IL10RB: variants seen among roughly 807,000 people sequenced by gnomAD.
IL10RB encodes the protein interleukin-10 receptor subunit beta.
In IL10RB, 30 loss-of-function variants were observed where a neutral mutation model predicts 38.7. The ratio of observed to expected loss-of-function variants is 0.78; its 90% confidence interval spans 0.58 to 1.05. The LOEUF (loss-of-function observed/expected upper bound fraction) is 1.05, where lower values mean the gene tolerates loss of function less well. Ranked by LOEUF, IL10RB falls within the 50% of genes least tolerant of loss-of-function variation. The probability of loss-of-function intolerance (pLI) is 0.00; values close to 1 mark genes in which losing one functional copy is unlikely to be tolerated. For synonymous variants in IL10RB, 142 were observed against 145.9 expected, an observed-to-expected ratio of 0.97 and a Z score of 0.19; for missense variants, 328 against 397.1, an observed-to-expected ratio of 0.83 and a Z score of 1.48.
intron 2 of IL10RB, among the ~76,000 whole-genome samples, chr21:33,269,872 A>C (rs566606618): frequency 3.9e-4 from 60 of 152,154 alleles, no homozygotes; most frequent in African/African-American, 1.4e-3. Flanking sequence ...GTTAGCCAGG[A>C]TGGTCACTAT....
rs148548916 is a variant in IL10RB, at chr21:33,292,288, G to A, written c.805-3896G>A. ...CCCACGGCCCAAAGCTCTGCCCGTG[G>A]GGACACTTTCTCCCTGGTTGGGGCT... On this transcript the variant is annotated intron_variant, in intron 6 of 6. Transcript: ENST00000290200. Among the ~76,000 whole-genome samples the A allele has an allele frequency of 1.7e-3, 258 of 152,282 alleles. 1 individual carries two copies. In the East Asian group the frequency reaches 0.018, roughly 11 times the overall value.
intron 1 of IL10RB, among the ~76,000 whole-genome samples, chr21:33,303,450 G>A (rs1465680332): frequency 6.6e-6 from 1 of 150,788 alleles, no homozygotes; most frequent in Non-Finnish European, 1.5e-5. Context: ...CACCTCCCGG[G>A]TTCAAGCGAT....
At chr21:33,267,850 A>G in intron 1 of IL10RB, 1 of 168,616 alleles carries the variant, frequency 5.9e-6, no homozygotes, top group Non-Finnish European at 1.3e-5. Flanking sequence ...GTTTGAAAAT[A>G]ATTTCTGTCT....
At chr21:33,296,110 G>A in intron 6 of IL10RB, 74 bp from the exon 7 acceptor site, 1 of 1,123,358 alleles carries the variant, frequency 8.9e-7, no homozygotes, top group Non-Finnish European at 1.4e-6. Context: ...CAGGAGTTCT[G>A]TGAAAAAATC....
chr21:33,266,546 G>A (rs1376976540), intron 1 of IL10RB, 32 bp downstream of exon 1: 2 of 1,538,264 alleles, frequency 1.3e-6, no homozygotes. Context: ...GGCGCGCTTG[G>A]GAACCGGGAG....
intron 3 of IL10RB, among the ~76,000 whole-genome samples, 166 bp downstream of exon 3, chr21:33,276,919 A>G (rs1353559413): frequency 6.6e-6 from 1 of 152,210 alleles, no homozygotes; most frequent in Non-Finnish European, 1.5e-5. Context: ...TAAAGAATTC[A>G]TGGGAGAGAC....
chr21:33,288,851 C>A (rs934602456), intron 6 of IL10RB, among the ~76,000 whole-genome samples: 5 of 152,164 alleles, frequency 3.3e-5, no homozygotes, highest in Non-Finnish European at 7.3e-5. Flanking sequence ...GTCACTGACA[C>A]TAGAGAATGA....
intron 5 of IL10RB, 94 bp downstream of exon 5, chr21:33,283,335 G>T (rs773863701): frequency 1.5e-6 from 2 of 1,315,126 alleles, no homozygotes; most frequent in Non-Finnish European, 2.2e-6. Context: ...TTCCAGCTCA[G>T]TTCAGAAATC....
At chr21:33,304,638 G>C (rs2082994403) in intron 1 of IL10RB, among the ~76,000 whole-genome samples, 1 of 152,154 alleles carries the variant, frequency 6.6e-6, no homozygotes, top group Admixed American at 6.5e-5. Flanking sequence ...CACTCTCCTG[G>C]GGATTTTGTG....
chr21:33,279,747 C>T lies in IL10RB; in HGVS notation c.332-5C>T, dbSNP rs1207801409. 5 of 1,612,716 alleles carry T rather than the reference C, an allele frequency of 3.1e-6. No individual in the cohort carries two copies. Among genetic ancestry groups the T allele is most frequent in the Non-Finnish European group, 4.2e-6 (5 of 1,178,784 alleles). Reference sequence around the variant, plus strand: ...GATTGTCATTTTGCTTGTTCTTCTGCTTAGCCATTATTGGACCCCCTGGAA... The same window carrying T: ...GATTGTCATTTTGCTTGTTCTTCTGTTTAGCCATTATTGGACCCCCTGGAA... On this transcript the variant is annotated splice_polypyrimidine_tract_variant and splice_region_variant and intron_variant, in intron 3 of 6. Transcript: ENST00000290200.
chr21:33,308,029 G>A (rs889900047), intron 1 of IL10RB, among the ~76,000 whole-genome samples: 4 of 152,188 alleles, frequency 2.6e-5, no homozygotes, highest in African/African-American at 7.2e-5. Context: ...CAGTAAATCC[G>A]TGGCTGACTC....
intron 3 of IL10RB, among the ~76,000 whole-genome samples, chr21:33,277,601 A>G (rs1345421029): frequency 2.0e-5 from 3 of 151,200 alleles, no homozygotes; most frequent in Non-Finnish European, 4.4e-5. Context: ...TATGATCCCA[A>G]CACTTTGGGA....
chr21:33,308,031 G>A (rs1485351966), intron 1 of IL10RB, among the ~76,000 whole-genome samples: 2 of 152,174 alleles, frequency 1.3e-5, no homozygotes, highest in African/African-American at 2.4e-5. Flanking sequence ...GTAAATCCGT[G>A]GCTGACTCAT....
chr21:33,267,362 T>TG (rs1264110555), intron 1 of IL10RB, among the ~76,000 whole-genome samples: 1 of 152,116 alleles, frequency 6.6e-6, no homozygotes, highest in African/African-American at 2.4e-5. Flanking sequence ...TATAGGCCCA[T>TG]GACTCGCACA....
chr21:33,301,085 C>G (rs1376335830), downstream of IL10RB, among the ~76,000 whole-genome samples: 1 of 152,224 alleles, frequency 6.6e-6, no homozygotes, highest in African/African-American at 2.4e-5. Flanking sequence ...TTACTCTTCT[C>G]AGCAAGGGAG....
chr21:33,280,648 T>G (rs1158399716), intron 4 of IL10RB, among the ~76,000 whole-genome samples: 1 of 152,180 alleles, frequency 6.6e-6, no homozygotes, highest in East Asian at 1.9e-4. Context: ...CAAGGTTTAT[T>G]CTGACACCTA....
At chr21:33,307,395 A>G (rs1478879271) in intron 1 of IL10RB, among the ~76,000 whole-genome samples, 1 of 152,136 alleles carries the variant, frequency 6.6e-6, no homozygotes, top group South Asian at 2.1e-4. Context: ...TGGAGTATGT[A>G]CCCTCTTTCC....
chr21:33,287,410 C>T (rs1233967703), intron 5 of IL10RB, among the ~76,000 whole-genome samples: 18 of 151,812 alleles, frequency 1.2e-4, no homozygotes, highest in Admixed American at 1.2e-3. Context: ...GTTTGGAGTG[C>T]AGTGGTACAA....
At chr21:33,299,815 G>T (rs2082981249), downstream of IL10RB, among the ~76,000 whole-genome samples, 2 of 152,236 alleles carry the variant, frequency 1.3e-5, no homozygotes, top group African/African-American at 4.8e-5. Flanking sequence ...TAGCAGAGCA[G>T]TTATGATAGA....
Sources: allele counts gnomAD v4.1 joint callset (sites outside exome capture counted in the v4.1 genomes callset), GRCh38; gene constraint gnomAD v4.1.1; transcripts MANE v1.5; gene names NCBI Gene and HGNC (gene_info 2026-07-23, HGNC 2026-07-21).